SNTG1: variants seen among roughly 807,000 people sequenced by gnomAD.
SNTG1 encodes gamma-1-syntrophin.
A neutral mutation model predicts 74.7 loss-of-function variants in SNTG1; 39 were observed. The observed-to-expected ratio is 0.52, with a 90% CI of 0.40 to 0.68. SNTG1 has a LOEUF of 0.68. Ranked by LOEUF, SNTG1 falls within the 30% of genes least tolerant of loss-of-function variation. The pLI is 0.00. For synonymous variants in SNTG1, 254 were observed against 217.1 expected, an observed-to-expected ratio of 1.17 and a Z score of -1.49; for missense variants, 685 against 609.5, an observed-to-expected ratio of 1.12 and a Z score of -1.30.
At chr8:50,463,572 G>A (rs1275950009) in intron 8 of SNTG1, among the ~76,000 whole-genome samples, 1 of 152,172 alleles carries the variant, frequency 6.6e-6, no homozygotes, top group African/African-American at 2.4e-5. Context: ...TATTTTCTAA[G>A]CAGTACGTCT....
At chr8:50,319,734 A>C (rs950763156) in intron 2 of SNTG1, among the ~76,000 whole-genome samples, 5 of 152,140 alleles carry the variant, frequency 3.3e-5, no homozygotes, top group African/African-American at 1.2e-4. Flanking sequence ...TATTATGTTG[A>C]AGTATGTTGA....
At chr8:50,584,085 C>T (rs1481872397) in intron 12 of SNTG1, among the ~76,000 whole-genome samples, 2 of 152,050 alleles carry the variant, frequency 1.3e-5, no homozygotes, top group African/African-American at 2.4e-5. Context: ...ATCCATGTCC[C>T]TACAAAGGAC....
At chr8:50,328,219 A>G (rs1413421967) in intron 2 of SNTG1, among the ~76,000 whole-genome samples, 1 of 152,200 alleles carries the variant, frequency 6.6e-6, no homozygotes, top group Non-Finnish European at 1.5e-5. Context: ...AGACAGGGCT[A>G]TTGGCAACAA....
chr8:50,676,975 T>C (rs1371614212), intron 15 of SNTG1, among the ~76,000 whole-genome samples: 1 of 151,966 alleles, frequency 6.6e-6, no homozygotes, highest in Admixed American at 6.6e-5. Flanking sequence ...TGTTTTCCAA[T>C]ATTTGGAGTG....
intron 9 of SNTG1, among the ~76,000 whole-genome samples, chr8:50,505,550 A>T (rs1032267876): frequency 5.9e-5 from 9 of 152,182 alleles, no homozygotes; most frequent in Admixed American, 2.0e-4. Flanking sequence ...GGCCATTCTA[A>T]TTGTTGTCAG....
intron 2 of SNTG1, among the ~76,000 whole-genome samples, chr8:50,191,110 TC>T (rs1046210220): frequency 1.3e-5 from 2 of 152,130 alleles, no homozygotes; most frequent in African/African-American, 4.8e-5. Context: ...TACGTAGCCT[TC>T]TGAAAGCTCC....
intron 18 of SNTG1, among the ~76,000 whole-genome samples, chr8:50,756,542 AT>A: frequency 6.6e-6 from 1 of 151,494 alleles, no homozygotes; most frequent in Admixed American, 6.6e-5. Context: ...ACTCCATTGT[AT>A]TTTTTTGCTC....
intron 2 of SNTG1, among the ~76,000 whole-genome samples, chr8:50,311,307 G>T (rs2090101910): frequency 2.0e-5 from 3 of 152,186 alleles, no homozygotes; most frequent in South Asian, 4.1e-4. Context: ...AACCCACACA[G>T]TGTGCCACTT....
intron 9 of SNTG1, among the ~76,000 whole-genome samples, chr8:50,523,571 A>G (rs1195943078): frequency 2.6e-5 from 4 of 152,200 alleles, no homozygotes; most frequent in Admixed American, 1.3e-4. Flanking sequence ...GGGAACAGCT[A>G]GTCAGTTGAG....
chr8:49,998,354 A>C (rs749331704), intron 1 of SNTG1, among the ~76,000 whole-genome samples: 16 of 152,144 alleles, frequency 1.1e-4, no homozygotes, highest in Non-Finnish European at 1.9e-4. Context: ...GCCAGGCTAG[A>C]CTAAGTTTAT....
chr8:50,491,875 C>G (rs545549148), intron 8 of SNTG1, among the ~76,000 whole-genome samples: 7 of 71,038 alleles, frequency 9.9e-5, no homozygotes, highest in Non-Finnish European at 2.0e-4. Context: ...TATTCCTCCC[C>G]TAGCTCCCCC....
chr8:50,169,927 T>G (rs946715337), intron 1 of SNTG1, among the ~76,000 whole-genome samples: 3 of 152,160 alleles, frequency 2.0e-5, no homozygotes, highest in African/African-American at 7.2e-5. Flanking sequence ...CTAGTCTTGA[T>G]GACAGAGTGG....
chr8:49,973,577 C>A (rs1350217579), intron 1 of SNTG1, among the ~76,000 whole-genome samples: 2 of 151,140 alleles, frequency 1.3e-5, no homozygotes, highest in Admixed American at 1.3e-4. Flanking sequence ...TACTGCTTCA[C>A]TTTGGTGAGT....
chr8:50,266,670 G>GTATA lies in SNTG1; in HGVS notation c.-28+94036_-28+94037insATAT, dbSNP rs36195459. On this transcript the variant is annotated intron_variant, in intron 2 of 18. Transcript: ENST00000642720. ...TATGTGTGTGTGTGTGTGTGTGTGT[G>GTATA]TGTGTGTGTGTGTGTATATATATAT... 7.4e-3 allele frequency among the ~76,000 whole-genome samples: 495 copies of GTATA among 67,296 alleles called. 5 individuals carry two copies. The highest frequency in any genetic ancestry group is 0.051 in the East Asian group (68 of 1,332). 44.1% of individuals were successfully genotyped at this position (67,296 alleles called of 152,430 possible). A position where few individuals can be genotyped will look rare whatever the true frequency, so the allele number is the denominator to read the frequency against.
chr8:50,782,145 C>A (rs978119933), intron 18 of SNTG1, among the ~76,000 whole-genome samples: 1 of 152,150 alleles, frequency 6.6e-6, no homozygotes, highest in Non-Finnish European at 1.5e-5. Context: ...ACATTTTTTC[C>A]TTCATTTCAA....
rs200266318 is a variant in SNTG1 at position 50,013,534 on chromosome 8, C to CAT, written c.-103+101313_-103+101314dup. On this transcript the variant is annotated intron_variant, in intron 1 of 18. Transcript: ENST00000642720. ...ATATATATGTATGTGCACATATATA[C>CAT]ATATATATATACATATATATGGCTC... 7.8e-3 allele frequency among the ~76,000 whole-genome samples: 1,182 copies of CAT among 151,028 alleles called. 13 individuals are homozygous for CAT. The highest frequency in any genetic ancestry group is 0.027 in the African/African-American group (1,105 of 41,098).
chr8:50,666,484 G>T (rs369079348), intron 15 of SNTG1, among the ~76,000 whole-genome samples: 33 of 152,226 alleles, frequency 2.2e-4, no homozygotes, highest in South Asian at 2.1e-3. Flanking sequence ...TATGAGGGTG[G>T]GAGGTAATGA....
intron 1 of SNTG1, among the ~76,000 whole-genome samples, chr8:49,966,526 C>G (rs1811157252): frequency 6.6e-6 from 1 of 151,928 alleles, no homozygotes; most frequent in Admixed American, 6.6e-5. Flanking sequence ...TCCCTAGTAG[C>G]TGGGACTACA....
chr8:50,147,638 A>T lies in SNTG1; in HGVS notation c.-102-24923A>T, dbSNP rs190832746. Among the ~76,000 whole-genome samples, 8 of 152,320 alleles carry T rather than the reference A, an allele frequency of 5.3e-5. No individual in the cohort carries two copies. In the East Asian group the frequency reaches 1.5e-3, roughly 29 times the overall value. ...ATTTTTTCTGTCAGAGGAATAAGCC[A>T]GGAGGGATGGTGGGGATTGACTTTG... On this transcript the variant is annotated intron_variant, in intron 1 of 18. Transcript: ENST00000642720.
Sources: gnomAD v4.1 joint callset for allele counts (sites outside exome capture counted in the v4.1 genomes callset) on GRCh38, gnomAD v4.1.1 for gene constraint, MANE v1.5 for transcripts, NCBI Gene and HGNC (gene_info 2026-07-23, HGNC 2026-07-21) for gene names.